PCDHGA9: variants seen among roughly 807,000 people sequenced by gnomAD.
The protein encoded by PCDHGA9 is protocadherin gamma subfamily A, 9.
A neutral mutation model predicts 62.5 loss-of-function variants in PCDHGA9; 37 were observed. The observed-to-expected ratio is 0.59, with a 90% confidence interval of 0.46 to 0.78. The LOEUF (loss-of-function observed/expected upper bound fraction) is 0.78, where lower values mean the gene tolerates loss of function less well. PCDHGA9 is among the 30% of genes least tolerant of loss of function. The probability of loss-of-function intolerance (pLI) is 0.00; values close to 1 mark genes in which losing one functional copy is unlikely to be tolerated. For synonymous variants in PCDHGA9, 459 were observed against 484.6 expected (o/e 0.95, Z 0.69); for missense variants, 1,138 against 1,166.2 (o/e 0.98, Z 0.35).
rs753202774 is a variant in PCDHGA9, at chr5:141,487,875, C to A, written c.2425-6932C>A. 33 of 828,628 alleles carry A rather than the reference C, an allele frequency of 4.0e-5. No individual in the cohort carries two copies. Among genetic ancestry groups the A allele is most frequent in the Non-Finnish European group, 5.8e-5 (31 of 536,030 alleles). The allele number at this position is 828,628 out of a possible 1,614,324, so 51.3% of individuals were successfully genotyped here. A position where few individuals can be genotyped will look rare whatever the true frequency, so the allele number is the denominator to read the frequency against. The stretch of plus-strand genomic sequence containing the variant: ...AAGTAATTGGTGATCAAGAGCCAGG[C>A]TGTTGTGGAAGCATGATGATGGAAT... On this transcript the variant is annotated intron_variant, in intron 1 of 3. Coordinates refer to ENST00000573521, the MANE Select transcript of PCDHGA9 (RefSeq NM_018921.3). The surrounding 1 kb of genome is among the most constrained non-coding windows in gnomAD (Gnocchi z 5.0).
Position 141,430,614 on chromosome 5 carries a change from T to C in PCDHGA9, c.2424+25238T>C, listed in dbSNP as rs1030314096. 7.3e-6 allele frequency: 5 copies of C among 680,636 alleles called. No individual in the cohort carries two copies. In the African/African-American group the frequency reaches 7.4e-5, roughly 10 times the overall value. 42.2% of individuals were successfully genotyped at this position (680,636 alleles called of 1,614,324 possible). ...GCACGCGCCTGAAGCACAAAGCAGA[T>C]AGCTAGGAATGAACCATCCCTGGGA... On this transcript the variant is annotated intron_variant, in intron 1 of 3. Transcript: ENST00000573521.
intron 1 of PCDHGA9, among the ~76,000 whole-genome samples, chr5:141,438,921 C>T (rs1204218608): frequency 6.6e-6 from 1 of 151,970 alleles, no homozygotes; most frequent in Non-Finnish European, 1.5e-5. Context: ...CTGCCTTGGC[C>T]TCCCAAAGTG....
At position 141,431,052 on chromosome 5, in the gene PCDHGA9, G is replaced by A. The variant is rs148326556; in HGVS notation, c.2424+25676G>A. On this transcript the variant is annotated intron_variant, in intron 1 of 3. Transcript: ENST00000573521. The surrounding 1 kb of genome is among the most constrained non-coding windows in gnomAD (Gnocchi z 4.8). Reference sequence around the variant, plus strand: ...ATAGACCGGGAGGAGCTCTGTATGGGGGCCATCAAGTGTCAATTAAATCTA... The same window carrying A: ...ATAGACCGGGAGGAGCTCTGTATGGAGGCCATCAAGTGTCAATTAAATCTA... 2 of 1,614,228 alleles carry A rather than the reference G, an allele frequency of 1.2e-6. No individual in the cohort carries two copies. The highest frequency in any genetic ancestry group is 1.7e-6 in the Non-Finnish European group (2 of 1,180,044).
At chr5:141,433,195 T>C (rs765385329) in intron 1 of PCDHGA9, 8 of 1,582,476 alleles carry the variant, frequency 5.1e-6, no homozygotes, top group Non-Finnish European at 6.9e-6. Flanking sequence ...TGAGTTTATA[T>C]CAAATCTTCT....
At position 141,473,122 on chromosome 5, in the gene PCDHGA9, T is replaced by C. The variant is rs533113606; in HGVS notation, c.2425-21685T>C. On this transcript the variant is annotated intron_variant, in intron 1 of 3. Coordinates refer to ENST00000573521, the MANE Select transcript of PCDHGA9 (RefSeq NM_018921.3). ...TATTACCACACTTTACTTGGCTCTT[T>C]GGCAAACTATATTATCTCTTCAGAT... Among the ~76,000 whole-genome samples, 3 of 152,362 alleles carry C rather than the reference T, an allele frequency of 2.0e-5. No homozygotes were observed. In the East Asian group the frequency reaches 5.8e-4, roughly 29 times the overall value.
In PCDHGA9 at chr5:141,431,543, C is replaced by T. The variant is rs1334234544; in HGVS notation, c.2424+26167C>T. The T allele has an allele frequency of 1.9e-6, 3 of 1,614,128 alleles. No individual in the cohort carries two copies. The highest frequency in any genetic ancestry group is 2.5e-6 in the Non-Finnish European group (3 of 1,180,036). ...GAATCTGGCCTTGGGCACGCAGCTGCTTGTAGTCAACGCTACCGACCCTGA... is the reference window on the plus strand; with the variant it reads ...GAATCTGGCCTTGGGCACGCAGCTGTTTGTAGTCAACGCTACCGACCCTGA... On this transcript the variant is annotated intron_variant, in intron 1 of 3. Transcript: ENST00000573521. This position sits in a 1 kb window ranked among gnomAD's most constrained non-coding sequence, Gnocchi z 4.8.
At position 141,511,462 on chromosome 5, in the gene PCDHGA9, C is replaced by A. The variant is rs1385398410; in HGVS notation, c.*289C>A. ...AGACACCAAGAACCATTTGCCACAC[C>A]CCGTTTAGTTACAGCTGAACTCCTC... On this transcript the variant is annotated 3_prime_UTR_variant, in exon 4 of 4. Coordinates refer to ENST00000573521, the MANE Select transcript of PCDHGA9 (RefSeq NM_018921.3). The A allele has an allele frequency of 4.7e-5, 26 of 556,350 alleles. No individual in the cohort carries two copies. Among genetic ancestry groups the A allele is most frequent in the Non-Finnish European group, 9.1e-6 (3 of 329,202 alleles). 34.5% of individuals were successfully genotyped at this position (556,350 alleles called of 1,614,324 possible). A position where few individuals can be genotyped will look rare whatever the true frequency, so the allele number is the denominator to read the frequency against.
In PCDHGA9 at chr5:141,431,370, A is replaced by G; in HGVS notation, c.2424+25994A>G. ...CTGAAACGCGCCCTGGACCGCGAAG[A>G]AAAGGCTGCTCACCACCTGGTCCTT... is the stretch of plus-strand genomic sequence containing the variant. On this transcript the variant is annotated intron_variant, in intron 1 of 3. Coordinates refer to ENST00000573521, the MANE Select transcript of PCDHGA9 (RefSeq NM_018921.3). The surrounding 1 kb of genome is among the most constrained non-coding windows in gnomAD (Gnocchi z 4.8). 1 of 1,613,946 alleles carries G rather than the reference A, an allele frequency of 6.2e-7. No homozygotes were observed. The highest frequency in any genetic ancestry group is 8.5e-7 in the Non-Finnish European group (1 of 1,180,014).
chr5:141,465,781 T>G (rs2099109506), intron 1 of PCDHGA9, among the ~76,000 whole-genome samples: 1 of 150,278 alleles, frequency 6.7e-6, no homozygotes, highest in Non-Finnish European at 1.5e-5. Context: ...TTGTTACAGT[T>G]TTTTTTTTTT....
chr5:141,408,332 G>A, intron 1 of PCDHGA9: 1 of 1,613,912 alleles, frequency 6.2e-7, no homozygotes, highest in South Asian at 1.1e-5. Context: ...GCTGGCCAAG[G>A]GCTCGGTGGT....
rs373286702 is a variant in PCDHGA9, at chr5:141,421,190, A to T, written c.2424+15814A>T. ...TACATAAGCCGATTCACAACCAACC[A>T]GCTCGAGAAACCGCGGAATATCGGC... On this transcript the variant is annotated intron_variant, in intron 1 of 3. Transcript: ENST00000573521. The T allele has an allele frequency of 4.7e-6, 7 of 1,480,168 alleles. No homozygotes were observed. The South Asian group carries it at 9.4e-5, about 20-fold the overall frequency. 91.7% of individuals were successfully genotyped at this position (1,480,168 alleles called of 1,614,324 possible).
intron 1 of PCDHGA9, among the ~76,000 whole-genome samples, chr5:141,451,875 T>C (rs747595781): frequency 5.9e-5 from 9 of 151,594 alleles, no homozygotes; most frequent in Non-Finnish European, 1.3e-4. Context: ...AATGAAACCC[T>C]GTCAAGAAAG....
At chr5:141,503,474 T>C (rs2099820145) in intron 2 of PCDHGA9, among the ~76,000 whole-genome samples, 1 of 151,828 alleles carries the variant, frequency 6.6e-6, no homozygotes, top group South Asian at 2.1e-4. Context: ...ATGTGTGCAC[T>C]TGTCGTCCCA....
intron 1 of PCDHGA9, among the ~76,000 whole-genome samples, chr5:141,483,517 CCTGA>C (rs72004558): frequency 0.16 from 24,470 of 151,950 alleles, 2,064 homozygotes; most frequent in African/African-American, 0.21. Context: ...CCCCCTAGAT[CCTGA>C]CTAAGGAAGC....
intron 2 of PCDHGA9, among the ~76,000 whole-genome samples, chr5:141,502,654 C>T (rs1424933188): frequency 6.6e-6 from 1 of 152,230 alleles, no homozygotes; most frequent in South Asian, 2.1e-4. Context: ...TAGGCAGCAA[C>T]CCTTCATGCA....
chr5:141,472,308 G>A (rs897967832), intron 1 of PCDHGA9, among the ~76,000 whole-genome samples: 6 of 152,074 alleles, frequency 3.9e-5, no homozygotes, highest in South Asian at 4.1e-4. Context: ...TTGGGAAGCC[G>A]AGGCAGGCAG....
Position 141,486,397 on chromosome 5 carries a change from G to A in PCDHGA9, c.2425-8410G>A, listed in dbSNP as rs778989869. The A allele has an allele frequency of 5.0e-6, 8 of 1,614,046 alleles. No individual in the cohort carries two copies. The South Asian group carries it at 7.7e-5, about 16-fold the overall frequency. ...CCTTCAGGAACCAGTTCTCCCTGGT[G>A]ACTGCTGGACCCTTGGATCGAGAGG... On this transcript the variant is annotated intron_variant, in intron 1 of 3. Transcript: ENST00000573521. The surrounding 1 kb of genome is among the most constrained non-coding windows in gnomAD (Gnocchi z 5.0).
intron 1 of PCDHGA9, chr5:141,478,819 C>G (rs927315523): frequency 2.1e-6 from 3 of 1,447,842 alleles, no homozygotes; most frequent in Non-Finnish European, 2.7e-6. Context: ...CACAACTAAC[C>G]AATCTTGCTA....
rs151119016 is a variant in PCDHGA9, at chr5:141,489,949, G to C, written c.2425-4858G>C. On this transcript the variant is annotated intron_variant, in intron 1 of 3. Transcript: ENST00000573521. The surrounding 1 kb of genome is among the most constrained non-coding windows in gnomAD (Gnocchi z 4.5). ...CTCTGTCATCGTGCTGGACATCAAT[G>C]ATAATGCTCCAACCTTCCAATCCTC... is the stretch of plus-strand genomic sequence containing the variant. 1 of 1,614,198 alleles carries C rather than the reference G, an allele frequency of 6.2e-7. No individual in the cohort carries two copies. Among genetic ancestry groups the C allele is most frequent in the Non-Finnish European group, 8.5e-7 (1 of 1,180,028 alleles).
Sources: allele counts gnomAD v4.1 joint callset (sites outside exome capture counted in the v4.1 genomes callset), GRCh38; gene constraint gnomAD v4.1.1; non-coding constraint Gnocchi (gnomAD v3.1); transcripts MANE v1.5; gene names NCBI Gene and HGNC (gene_info 2026-07-23, HGNC 2026-07-21).